SYNE1: variants seen among roughly 807,000 people sequenced by gnomAD.
The protein encoded by SYNE1 is spectrin repeat containing nuclear envelope protein 1.
SYNE1 carries 616 observed loss-of-function variants against 1,111.0 expected under a neutral mutation model. The ratio of observed to expected loss-of-function variants is 0.55; its 90% confidence interval spans 0.52 to 0.59. The LOEUF (loss-of-function observed/expected upper bound fraction) is 0.59, where lower values mean the gene tolerates loss of function less well. Among genes scored for constraint, SYNE1 ranks in the 20% least tolerant of loss-of-function variants. The pLI is 0.00. For missense variants in SYNE1, 10,006 were observed against 10,417.0 expected (o/e 0.96, Z 1.72); for synonymous variants, 3,855 against 3,825.8 (o/e 1.01, Z -0.28).
At chr6:152,590,458 CTAT>C (rs762391506) in intron 3 of SYNE1, among the ~76,000 whole-genome samples, 60 of 151,312 alleles carry the variant, frequency 4.0e-4, no homozygotes, top group Non-Finnish European at 6.0e-4. Context: ...AAGACAAAAA[CTAT>C]TATTATTATA....
At position 152,483,212 on chromosome 6, in the gene SYNE1, G is replaced by A; in HGVS notation, c.1223C>T (p.Pro408Leu). The A allele has an allele frequency of 6.2e-7, 1 of 1,614,158 alleles. No individual in the cohort carries two copies. The highest frequency in any genetic ancestry group is 8.5e-7 in the Non-Finnish European group (1 of 1,180,010). The change falls in exon 14 of 146, where the codon CCT becomes CTT. Residue 408 changes from proline to leucine, a missense_variant. Pro to Leu is a moderately conservative substitution (Grantham distance 98). Transcript: ENST00000367255. ...DWHIQLDKSL[P>L]APLGTIGAWL... Reference sequence around the variant, plus strand: ...GGCACCTATGGTGCCCAGAGGTGCAGGAAGAGATTTATCAAGCTGTATATG... The same window carrying A: ...GGCACCTATGGTGCCCAGAGGTGCAAGAAGAGATTTATCAAGCTGTATATG...
At chr6:152,225,948 A>AT in intron 115 of SYNE1, 72 bp from the exon 116 acceptor site, 1 of 1,497,534 alleles carries the variant, frequency 6.7e-7, no homozygotes, top group Non-Finnish European at 9.1e-7. Context: ...AAATTGGGCC[A>AT]TTATAGTTTC....
intron 87 of SYNE1, among the ~76,000 whole-genome samples, chr6:152,311,658 G>A (rs2095550296): frequency 6.6e-6 from 1 of 152,200 alleles, no homozygotes; most frequent in Non-Finnish European, 1.5e-5. Context: ...TTCAGACAGA[G>A]AGAACAGCAT....
intron 123 of SYNE1, 23 bp downstream of exon 123, chr6:152,213,589 C>T (rs2077969476): frequency 6.2e-7 from 1 of 1,613,806 alleles, no homozygotes; most frequent in Admixed American, 1.7e-5. Flanking sequence ...CTTATTACCC[C>T]CAAATCTACT....
intron 131 of SYNE1, among the ~76,000 whole-genome samples, chr6:152,159,886 T>C (rs2062103495): frequency 6.6e-6 from 1 of 152,230 alleles, no homozygotes; most frequent in South Asian, 2.1e-4. Flanking sequence ...AACTTCTACA[T>C]GGCTGACTGA....
chr6:152,348,629 G>T (rs555277185), intron 72 of SYNE1, among the ~76,000 whole-genome samples: 2 of 152,134 alleles, frequency 1.3e-5, no homozygotes, highest in East Asian at 3.9e-4. Flanking sequence ...AGGTTACAGT[G>T]AGCTGAGGTT....
rs565212695 is a variant in SYNE1 at position 152,148,686 on chromosome 6, T to G, written c.24643-308A>C. Among the ~76,000 whole-genome samples the G allele has an allele frequency of 2.9e-4, 44 of 149,576 alleles. No individual in the cohort carries two copies. The highest frequency in any genetic ancestry group is 1.1e-3 in the African/African-American group (44 of 40,664). On this transcript the variant is annotated intron_variant, in intron 136 of 145. Transcript: ENST00000367255. This position sits in a 1 kb window ranked among gnomAD's most constrained non-coding sequence, Gnocchi z 4.1. ...TCCCACAGGGTTTTTTTTTTTTGAGTGGGAAAAAATTAAAAAGTCTTATAA... is the reference window on the plus strand; with the variant it reads ...TCCCACAGGGTTTTTTTTTTTTGAGGGGGAAAAAATTAAAAAGTCTTATAA...
At chr6:152,442,650 G>C (rs924756921) in intron 30 of SYNE1, among the ~76,000 whole-genome samples, 1 of 152,194 alleles carries the variant, frequency 6.6e-6, no homozygotes, top group African/African-American at 2.4e-5. Flanking sequence ...CAAATATTAA[G>C]AGATTTATGG....
chr6:152,433,980 T>C (rs1445114080), intron 33 of SYNE1, 35 bp from the exon 34 acceptor site: 3 of 1,547,320 alleles, frequency 1.9e-6, no homozygotes, highest in Non-Finnish European at 2.7e-6. Flanking sequence ...TAAAACTCAG[T>C]ATTTTAATAG....
intron 3 of SYNE1, among the ~76,000 whole-genome samples, chr6:152,564,964 T>C (rs778340460): frequency 6.6e-6 from 1 of 152,244 alleles, no homozygotes; most frequent in African/African-American, 2.4e-5. Flanking sequence ...CCAACACTTA[T>C]CACATAGTAT....
intron 3 of SYNE1, among the ~76,000 whole-genome samples, chr6:152,577,571 T>C (rs1251133509): frequency 1.3e-5 from 2 of 152,116 alleles, no homozygotes; most frequent in Non-Finnish European, 2.9e-5. Flanking sequence ...AGGCGGAGCT[T>C]GCAGTGAGCC....
chr6:152,487,106 T>C (rs1000903349), intron 12 of SYNE1, among the ~76,000 whole-genome samples: 20 of 152,214 alleles, frequency 1.3e-4, no homozygotes, highest in African/African-American at 4.3e-4. Context: ...ATTTGTTACA[T>C]AGGTAATCAT....
chr6:152,578,312 T>C (rs1425502106), intron 3 of SYNE1, among the ~76,000 whole-genome samples: 2 of 152,188 alleles, frequency 1.3e-5, no homozygotes, highest in Non-Finnish European at 2.9e-5. Flanking sequence ...TTCATATCCT[T>C]GGCCTGGCGT....
At chr6:152,464,997 C>G (rs1046891777) in intron 18 of SYNE1, 43 of 508,446 alleles carry the variant, frequency 8.5e-5, no homozygotes, top group Middle Eastern at 1.1e-3. Context: ...GCCCTAGACA[C>G]TCCCCTTCAT....
intron 3 of SYNE1, among the ~76,000 whole-genome samples, chr6:152,617,375 C>T (rs2128872645): frequency 6.6e-6 from 1 of 152,278 alleles, no homozygotes; most frequent in East Asian, 1.9e-4. Context: ...TAAATAAATA[C>T]TTACCCATAG....
chr6:152,590,717 C>T (rs190701160), intron 3 of SYNE1, among the ~76,000 whole-genome samples: 3,314 of 152,160 alleles, frequency 0.022, 128 homozygotes, highest in African/African-American at 0.075. Flanking sequence ...TTAAGGTTTC[C>T]CACCTCCACT....
intron 101 of SYNE1, 94 bp from the exon 102 acceptor site, chr6:152,256,859 A>T: frequency 6.4e-7 from 1 of 1,566,256 alleles, no homozygotes; most frequent in Non-Finnish European, 8.7e-7. Flanking sequence ...TGCTGAAAAC[A>T]CTGTCCATAT....
intron 111 of SYNE1, among the ~76,000 whole-genome samples, 152 bp downstream of exon 111, chr6:152,234,515 GA>G (rs2083539900): frequency 6.6e-6 from 1 of 152,048 alleles, no homozygotes; most frequent in Non-Finnish European, 1.5e-5. Context: ...GGCTGGTCCC[GA>G]ACTCCTGACC....
chr6:152,343,198 G>C (rs1018426399), intron 74 of SYNE1, among the ~76,000 whole-genome samples: 13 of 149,670 alleles, frequency 8.7e-5, no homozygotes, highest in Admixed American at 2.7e-4. Context: ...TGGTGCCCAG[G>C]CTGGAGTGCA....
Sources: gnomAD v4.1 joint callset for allele counts (sites outside exome capture counted in the v4.1 genomes callset) on GRCh38, gnomAD v4.1.1 for gene constraint, Gnocchi (gnomAD v3.1) non-coding constraint, MANE v1.5 for transcripts, NCBI Gene and HGNC (gene_info 2026-07-23, HGNC 2026-07-21) for gene names.